Variants in RTN1 observed in about 807,000 individuals in gnomAD.
RTN1 encodes the protein reticulon-1.
In RTN1, 25 loss-of-function variants were observed where a neutral mutation model predicts 65.5. The observed-to-expected ratio is 0.38, with a 90% CI of 0.28 to 0.53. The LOEUF (loss-of-function observed/expected upper bound fraction) is 0.53, where lower values mean the gene tolerates loss of function less well. Ranked by LOEUF, RTN1 falls within the 20% of genes least tolerant of loss-of-function variation. The pLI is 0.79. For synonymous variants in RTN1, 471 were observed against 447.6 expected, an observed-to-expected ratio of 1.05 and a Z score of -0.66; for missense variants, 983 against 1,025.4, an observed-to-expected ratio of 0.96 and a Z score of 0.57.
At position 59,870,451 on chromosome 14, in the gene RTN1, C is replaced by A. The variant is rs1594774728; in HGVS notation, c.180G>T (p.Ser60=). Residue 60 remains serine, a synonymous_variant, in exon 1 of 9, where the codon TCG becomes TCT. Coordinates refer to ENST00000267484, the MANE Select transcript of RTN1 (RefSeq NM_021136.3). This position sits in a 1 kb window ranked among gnomAD's most constrained non-coding sequence, Gnocchi z 5.1. ...GGGCGGGGCCCGAGCCGGCTTCCCG[C>A]GACGCCGCTTCCCGGGCCCTGGCGC... is the stretch of plus-strand genomic sequence containing the variant. ...GLGARAREAA[S]REAGSGPARQ... is the part of the protein sequence containing the mutation. The A allele has an allele frequency of 6.6e-7, 1 of 1,503,850 alleles. No homozygotes were observed. The highest frequency in any genetic ancestry group is 8.8e-7 in the Non-Finnish European group (1 of 1,136,762). The allele number at this position is 1,503,850 out of a possible 1,614,324, so 93.2% of individuals were successfully genotyped here. A position where few individuals can be genotyped will look rare whatever the true frequency, so the allele number is the denominator to read the frequency against.
At chr14:59,778,635 A>C (rs1271308699) in intron 1 of RTN1, among the ~76,000 whole-genome samples, 1 of 152,226 alleles carries the variant, frequency 6.6e-6, no homozygotes, top group Non-Finnish European at 1.5e-5. Flanking sequence ...AAAATATTAC[A>C]CAAGTGAAGA....
Position 59,749,404 on chromosome 14 carries a change from CTATATCTATATATATCTA to C in RTN1, c.242-2941_242-2924del, listed in dbSNP as rs1332736779. On this transcript the variant is annotated intron_variant, in intron 1 of 8. Coordinates refer to ENST00000267484, the MANE Select transcript of RTN1 (RefSeq NM_021136.3). ...TATATCTATATATATCTATATATATCTATATCTATATATATCTATATATCTATATATATCTATATCTAT... is the reference window on the plus strand; with the variant it reads ...TATATCTATATATATCTATATATATCTATATCTATATATATCTATATCTAT... 3.6e-4 allele frequency among the ~76,000 whole-genome samples: 11 copies of C among 30,928 alleles called. 2 individuals are homozygous for C. Among genetic ancestry groups the C allele is most frequent in the Admixed American group, 2.2e-3 (4 of 1,848 alleles). The allele number at this position is 30,928 out of a possible 152,430, so 20.3% of individuals were successfully genotyped here.
At position 59,659,451 on chromosome 14, in the gene RTN1, G is replaced by T. The variant is rs556800028; in HGVS notation, c.1766-51959C>A. Among the ~76,000 whole-genome samples the T allele has an allele frequency of 3.9e-5, 6 of 152,058 alleles. No homozygotes were observed. In the East Asian group the frequency reaches 1.2e-3, roughly 29 times the overall value. On this transcript the variant is annotated intron_variant, in intron 3 of 8. Coordinates refer to ENST00000267484, the MANE Select transcript of RTN1 (RefSeq NM_021136.3). ...GACACATAATTGTCAGGTTCATCAA[G>T]GTTGAAATGAAGGAGAAAATGTTAA...
chr14:59,861,229 T>C (rs376294291), intron 1 of RTN1, among the ~76,000 whole-genome samples: 2 of 152,128 alleles, frequency 1.3e-5, no homozygotes, highest in South Asian at 2.1e-4. Flanking sequence ...GTCTTTTCCA[T>C]GCTGTTCTCA....
rs867419259 is a variant in RTN1, at chr14:59,749,180, A to C, written c.242-2699T>G. The stretch of plus-strand genomic sequence containing the variant: ...TATATCTATCTATATATCTATCTAT[A>C]TATCTATCTATATATATCTATATAT... On this transcript the variant is annotated intron_variant, in intron 1 of 8. Transcript: ENST00000267484. Among the ~76,000 whole-genome samples, 487 of 106,914 alleles carry C rather than the reference A, an allele frequency of 4.6e-3. 70 individuals carry two copies. Among genetic ancestry groups the C allele is most frequent in the African/African-American group, 0.023 (422 of 18,732 alleles). The allele number at this position is 106,914 out of a possible 152,430, so 70.1% of individuals were successfully genotyped here.
At chr14:59,647,662 TA>T (rs536518459) in intron 3 of RTN1, among the ~76,000 whole-genome samples, 160 of 152,280 alleles carry the variant, frequency 1.1e-3, no homozygotes, top group Non-Finnish European at 1.9e-3. Context: ...ACATGGAAAT[TA>T]AACAACCTGC....
intron 3 of RTN1, among the ~76,000 whole-genome samples, chr14:59,686,879 CA>C (rs1318352952): frequency 6.6e-6 from 1 of 152,224 alleles, no homozygotes; most frequent in Non-Finnish European, 1.5e-5. Flanking sequence ...TTAATCCAGG[CA>C]CATTCAAAGG....
chr14:59,870,651 G>A lies in RTN1; in HGVS notation c.-21C>T. ...GCCATGGCTGGCGGTCCCCCGGCGCGGCGACGGCGGCTTGGCTGGGCAGAG... is the reference window on the plus strand; with the variant it reads ...GCCATGGCTGGCGGTCCCCCGGCGCAGCGACGGCGGCTTGGCTGGGCAGAG... On this transcript the variant is annotated 5_prime_UTR_variant, in exon 1 of 9. Coordinates refer to ENST00000267484, the MANE Select transcript of RTN1 (RefSeq NM_021136.3). The surrounding 1 kb of genome is among the most constrained non-coding windows in gnomAD (Gnocchi z 5.1). 7.4e-7 allele frequency: 1 copy of A among 1,358,946 alleles called. No homozygotes were observed. Among genetic ancestry groups the A allele is most frequent in the Non-Finnish European group, 9.4e-7 (1 of 1,063,318 alleles). The allele number at this position is 1,358,946 out of a possible 1,614,324, so 84.2% of individuals were successfully genotyped here. A position where few individuals can be genotyped will look rare whatever the true frequency, so the allele number is the denominator to read the frequency against.
At chr14:59,711,160 C>T (rs1884411016) in intron 3 of RTN1, among the ~76,000 whole-genome samples, 1 of 152,134 alleles carries the variant, frequency 6.6e-6, no homozygotes, top group East Asian at 1.9e-4. Context: ...GCATTCATTG[C>T]AGAAGGTTTT....
At chr14:59,725,151 G>T (rs1340659028) in intron 3 of RTN1, among the ~76,000 whole-genome samples, 1 of 152,208 alleles carries the variant, frequency 6.6e-6, no homozygotes, top group Non-Finnish European at 1.5e-5. Context: ...ATTCACAGCT[G>T]CAGTTTTCCA....
intron 1 of RTN1, among the ~76,000 whole-genome samples, chr14:59,835,447 T>C (rs1476164285): frequency 6.6e-6 from 1 of 152,178 alleles, no homozygotes; most frequent in East Asian, 1.9e-4. Context: ...ATTTGTGTAG[T>C]TTATTTTATG....
At position 59,596,545 on chromosome 14, in the gene RTN1, C is replaced by A. The variant is rs558977525; in HGVS notation, c.*200G>T. The A allele has an allele frequency of 8.2e-6, 4 of 490,102 alleles. No individual in the cohort carries two copies. The highest frequency in any genetic ancestry group is 1.5e-5 in the Non-Finnish European group (4 of 270,848). The allele number at this position is 490,102 out of a possible 1,614,324, so 30.4% of individuals were successfully genotyped here. On this transcript the variant is annotated 3_prime_UTR_variant, in exon 9 of 9. Transcript: ENST00000267484. ...CACATCTAATACACTTTTCTCTATA[C>A]TTTAGTGGTTGACACAAGTGACTCA... is the stretch of plus-strand genomic sequence containing the variant.
At position 59,810,062 on chromosome 14, in the gene RTN1, T is replaced by G. The variant is rs1566734329; in HGVS notation, c.241+60328A>C. Among the ~76,000 whole-genome samples the G allele has an allele frequency of 2.0e-5, 3 of 152,204 alleles. No homozygotes were observed. In the South Asian group the frequency reaches 6.2e-4, roughly 31 times the overall value. On this transcript the variant is annotated intron_variant, in intron 1 of 8. Coordinates refer to ENST00000267484, the MANE Select transcript of RTN1 (RefSeq NM_021136.3). ...GAAAAGACTCATTTTGGGAGATGAT[T>G]TTCCCTGGGTCTCTTGCAATTCCAT...
At chr14:59,749,985 T>A (rs1451545111) in intron 1 of RTN1, among the ~76,000 whole-genome samples, 2 of 92,836 alleles carry the variant, frequency 2.2e-5, no homozygotes, top group African/African-American at 4.8e-5. Flanking sequence ...ATATTATATA[T>A]TATATACATA....
chr14:59,704,388 T>C (rs1884244244), intron 3 of RTN1, among the ~76,000 whole-genome samples: 1 of 152,198 alleles, frequency 6.6e-6, no homozygotes, highest in Non-Finnish European at 1.5e-5. Context: ...AAACTTCTCC[T>C]TATGTCTTTG....
At chr14:59,826,220 T>A (rs1887028181) in intron 1 of RTN1, among the ~76,000 whole-genome samples, 1 of 152,196 alleles carries the variant, frequency 6.6e-6, no homozygotes, top group African/African-American at 2.4e-5. Context: ...ATGAAGTGCA[T>A]TTGTAGACCA....
chr14:59,817,659 G>A (rs1886847256), intron 1 of RTN1, among the ~76,000 whole-genome samples: 2 of 150,690 alleles, frequency 1.3e-5, no homozygotes, highest in Middle Eastern at 3.4e-3. Context: ...AGATTTTGAA[G>A]AGCAAGTCTG....
intron 1 of RTN1, among the ~76,000 whole-genome samples, chr14:59,771,987 T>C (rs1317249371): frequency 6.6e-6 from 1 of 152,256 alleles, no homozygotes; most frequent in Non-Finnish European, 1.5e-5. Context: ...TATTTATTGC[T>C]AGTGCCTTTT....
intron 1 of RTN1, among the ~76,000 whole-genome samples, chr14:59,859,267 C>T (rs1199117779): frequency 6.6e-6 from 1 of 152,140 alleles, no homozygotes; most frequent in Non-Finnish European, 1.5e-5. Context: ...AATCATGGGG[C>T]AGGTCTTTCC....
Sources: gnomAD v4.1 joint callset for allele counts (sites outside exome capture counted in the v4.1 genomes callset) on GRCh38, gnomAD v4.1.1 for gene constraint, Gnocchi (gnomAD v3.1) non-coding constraint, MANE v1.5 for transcripts, NCBI Gene and HGNC (gene_info 2026-07-23, HGNC 2026-07-21) for gene names.